Variants in LCMT1 observed in about 807,000 individuals in gnomAD.
LCMT1 encodes leucine carboxyl methyltransferase 1.
Under a neutral mutation model 47.7 loss-of-function variants are expected in LCMT1, and 32 were observed. The observed-to-expected ratio is 0.67, with a 90% CI of 0.51 to 0.90. The LOEUF (loss-of-function observed/expected upper bound fraction) is 0.90, where lower values mean the gene tolerates loss of function less well. Among genes scored for constraint, LCMT1 ranks in the 40% least tolerant of loss-of-function variants. The pLI is 0.00. For synonymous variants in LCMT1, 152 were observed against 149.7 expected, an observed-to-expected ratio of 1.02 and a Z score of -0.11; for missense variants, 375 against 415.2, an observed-to-expected ratio of 0.90 and a Z score of 0.84.
At chr16:25,170,567 C>A in intron 8 of LCMT1, 147 bp from the exon 9 acceptor site, 1 of 602,652 alleles carries the variant, frequency 1.7e-6, no homozygotes, top group Non-Finnish European at 2.9e-6. Context: ...TGGGTCAAGG[C>A]TGCAGTGAGC....
intron 5 of LCMT1, among the ~76,000 whole-genome samples, chr16:25,156,504 T>A (rs181745485): frequency 2.0e-5 from 3 of 152,306 alleles, no homozygotes; most frequent in Admixed American, 6.5e-5. Flanking sequence ...CACTTCAGAA[T>A]GTGAACAGGA....
intron 10 of LCMT1, among the ~76,000 whole-genome samples, chr16:25,175,633 A>C (rs1327860376): frequency 6.6e-6 from 1 of 152,050 alleles, no homozygotes; most frequent in Non-Finnish European, 1.5e-5. Flanking sequence ...ACCCTGTCTC[A>C]AAAAATAAAT....
intron 2 of LCMT1, 77 bp downstream of exon 2, chr16:25,128,643 G>T: frequency 9.2e-7 from 1 of 1,090,990 alleles, no homozygotes; most frequent in South Asian, 1.4e-5. Flanking sequence ...GAAGGAAGTC[G>T]TGGTGTGCTC....
chr16:25,140,061 T>A (rs942610963), intron 3 of LCMT1, 110 bp from the exon 4 acceptor site: 6 of 755,398 alleles, frequency 7.9e-6, no homozygotes, highest in African/African-American at 1.9e-5. Flanking sequence ...GTCCCCTGAT[T>A]TAAAAATCCT....
At chr16:25,118,449 G>C (rs1959867098) in intron 1 of LCMT1, among the ~76,000 whole-genome samples, 1 of 152,152 alleles carries the variant, frequency 6.6e-6, no homozygotes, top group Non-Finnish European at 1.5e-5. Flanking sequence ...CGGTTATGGA[G>C]GTGCTGTCCT....
intron 1 of LCMT1, among the ~76,000 whole-genome samples, chr16:25,126,301 C>A (rs1389101857): frequency 6.6e-6 from 1 of 152,300 alleles, no homozygotes. Context: ...CCTGAGCCTG[C>A]TTCTCCCTCT....
At chr16:25,171,656 G>A (rs1961776657) in intron 9 of LCMT1, among the ~76,000 whole-genome samples, 1 of 152,270 alleles carries the variant, frequency 6.6e-6, no homozygotes, top group Admixed American at 6.5e-5. Flanking sequence ...GGAGGAAAAC[G>A]ACGTTGTTCA....
At chr16:25,127,253 A>G (rs1960217903) in intron 1 of LCMT1, among the ~76,000 whole-genome samples, 1 of 152,248 alleles carries the variant, frequency 6.6e-6, no homozygotes, top group Non-Finnish European at 1.5e-5. Flanking sequence ...GCAGGTTTGC[A>G]AATGAATTGA....
At chr16:25,165,489 G>A (rs1200034984) in intron 7 of LCMT1, among the ~76,000 whole-genome samples, 6 of 151,434 alleles carry the variant, frequency 4.0e-5, no homozygotes, top group Non-Finnish European at 8.8e-5. Flanking sequence ...TAACCCCTCT[G>A]TGCCTGTTTC....
chr16:25,176,113 G>A (rs1961924771), intron 10 of LCMT1, among the ~76,000 whole-genome samples: 2 of 152,146 alleles, frequency 1.3e-5, no homozygotes, highest in Admixed American at 6.5e-5. Flanking sequence ...AGGTGCACAT[G>A]CCTGTCTGTG....
rs749855831 is a variant in LCMT1 at position 25,169,074 on chromosome 16, C to T, written c.691-38C>T. 4 of 1,384,436 alleles carry T rather than the reference C, an allele frequency of 2.9e-6. No individual in the cohort carries two copies. The Admixed American group carries it at 5.0e-5, about 17-fold the overall frequency. 85.8% of individuals were successfully genotyped at this position (1,384,436 alleles called of 1,614,324 possible). On this transcript the variant is annotated intron_variant, in intron 7 of 10. Transcript: ENST00000399069. ...TGTTTTATTTTGCATATTTAGGAAACCCTTAGAGTAATATCTTACCTTCTC... is the reference window on the plus strand; with the variant it reads ...TGTTTTATTTTGCATATTTAGGAAATCCTTAGAGTAATATCTTACCTTCTC...
intron 1 of LCMT1, among the ~76,000 whole-genome samples, chr16:25,125,238 A>G (rs1038718216): frequency 4.6e-5 from 7 of 152,222 alleles, no homozygotes; most frequent in East Asian, 1.9e-4. Context: ...GCAGCCTTGC[A>G]TGTGTATGTA....
Position 25,175,042 on chromosome 16 carries a change from A to C in LCMT1, c.982+8A>C. ...AAGGAGGAAATGAGCTTGGTGCGTG[A>C]TTGTACTTTTCTTGCCTTGACCTGG... On this transcript the variant is annotated splice_region_variant and intron_variant, in intron 10 of 10. Coordinates refer to ENST00000399069, the MANE Select transcript of LCMT1 (RefSeq NM_016309.3). 6.5e-7 allele frequency: 1 copy of C among 1,546,558 alleles called. No individual in the cohort carries two copies. The highest frequency in any genetic ancestry group is 8.9e-7 in the Non-Finnish European group (1 of 1,121,726).
chr16:25,161,070 A>G (rs1961418225), intron 5 of LCMT1, 32 bp from the exon 6 acceptor site: 1 of 1,345,114 alleles, frequency 7.4e-7, no homozygotes, highest in East Asian at 2.3e-5. Flanking sequence ...AGACATATTC[A>G]TTAAAATTAT....
chr16:25,164,863 CT>C, intron 7 of LCMT1, 145 bp downstream of exon 7: 1 of 1,048,392 alleles, frequency 9.5e-7, no homozygotes, highest in South Asian at 1.4e-5. Context: ...AACCAGCAAT[CT>C]TAGTACTCCT....
chr16:25,171,877 A>G (rs565891862), intron 9 of LCMT1, among the ~76,000 whole-genome samples: 1 of 152,314 alleles, frequency 6.6e-6, no homozygotes, highest in South Asian at 2.1e-4. Context: ...ATATTTATTG[A>G]TACATAGATT....
chr16:25,147,963 T>C (rs1369485214), intron 4 of LCMT1: 2 of 152,222 alleles, frequency 1.3e-5, no homozygotes, highest in African/African-American at 2.4e-5. Context: ...AAATGATACA[T>C]CCCAGGTGTG....
chr16:25,176,312 T>G (rs971961328), intron 10 of LCMT1, among the ~76,000 whole-genome samples: 2 of 152,082 alleles, frequency 1.3e-5, no homozygotes, highest in South Asian at 4.1e-4. Flanking sequence ...ATAGCTGCCC[T>G]TCAAGCTTCC....
At chr16:25,134,443 A>G (rs1229117119) in intron 3 of LCMT1, among the ~76,000 whole-genome samples, 1 of 152,246 alleles carries the variant, frequency 6.6e-6, no homozygotes, top group East Asian at 1.9e-4. Flanking sequence ...ATTGTCTTCC[A>G]GGATCCTGCA....
Sources: allele counts gnomAD v4.1 joint callset (sites outside exome capture counted in the v4.1 genomes callset), GRCh38; gene constraint gnomAD v4.1.1; transcripts MANE v1.5; gene names NCBI Gene and HGNC (gene_info 2026-07-23, HGNC 2026-07-21).